BLVRA: variants seen among roughly 807,000 people sequenced by gnomAD.
BLVRA encodes BVR A.
In BLVRA, 22 loss-of-function variants were observed where a neutral mutation model predicts 32.8. That is an observed-to-expected ratio of 0.67 (90% CI 0.48 to 0.96). The LOEUF is 0.96. Ranked by LOEUF, BLVRA falls within the 40% of genes least tolerant of loss-of-function variation. BLVRA has a pLI of 0.00. For missense variants in BLVRA, 323 were observed against 358.1 expected (o/e 0.90, Z 0.79); for synonymous variants, 119 against 141.3 (o/e 0.84, Z 1.12).
intron 1 of BLVRA, among the ~76,000 whole-genome samples, chr7:43,767,836 T>C (rs1023166317): frequency 2.9e-5 from 4 of 136,900 alleles, no homozygotes; most frequent in Non-Finnish European, 6.4e-5. Context: ...CAAATAGATA[T>C]GTTAATTACA....
chr7:43,803,888 C>T (rs777993669), intron 7 of BLVRA, 41 bp downstream of exon 7: 2 of 1,607,720 alleles, frequency 1.2e-6, no homozygotes, highest in South Asian at 1.1e-5. Flanking sequence ...AATTTAAGGA[C>T]ATCCTAGTAC....
intron 1 of BLVRA, among the ~76,000 whole-genome samples, chr7:43,767,948 T>C (rs1259307403): frequency 1.3e-5 from 2 of 151,964 alleles, no homozygotes; most frequent in African/African-American, 2.4e-5. Context: ...GAGAAAGAAA[T>C]AGGAAGCAGT....
intron 3 of BLVRA, among the ~76,000 whole-genome samples, chr7:43,789,767 A>G (rs893170322): frequency 1.8e-4 from 27 of 150,632 alleles, no homozygotes; most frequent in Non-Finnish European, 2.5e-4. Context: ...GCTAAGTTCT[A>G]CCTCCTCCCC....
chr7:43,803,772 T>C lies in BLVRA; in HGVS notation c.557T>C (p.Val186Ala), dbSNP rs1165662075. The change falls in exon 7 of 8, where the codon GTG becomes GCG. Residue 186 changes from valine to alanine, a missense_variant. By Grantham distance (64) the Val-to-Ala change is moderately conservative. Coordinates refer to ENST00000265523, the MANE Select transcript of BLVRA (RefSeq NM_000712.4). ...LVSLFGELSL[V>A]SATLEERKED... The stretch of plus-strand genomic sequence containing the variant: ...TCCCTCTTTGGGGAGCTTTCTCTTG[T>C]GTCTGCCACTTTGGAAGAGCGAAAG... The C allele has an allele frequency of 6.2e-7, 1 of 1,614,154 alleles. No individual in the cohort carries two copies. Among genetic ancestry groups the C allele is most frequent in the Admixed American group, 1.7e-5 (1 of 60,030 alleles).
intron 5 of BLVRA, among the ~76,000 whole-genome samples, chr7:43,796,275 C>T (rs1229032970): frequency 6.6e-6 from 1 of 151,944 alleles, no homozygotes; most frequent in Non-Finnish European, 1.5e-5. Flanking sequence ...TGTTATACTC[C>T]AACAATCGGA....
intron 6 of BLVRA, among the ~76,000 whole-genome samples, chr7:43,801,670 C>T (rs2095798837): frequency 6.6e-6 from 1 of 152,128 alleles, no homozygotes; most frequent in South Asian, 2.1e-4. Context: ...TGCATTAATC[C>T]ATATGACAAT....
chr7:43,767,327 A>G, intron 1 of BLVRA: 1 of 1,523,724 alleles, frequency 6.6e-7, no homozygotes, highest in Admixed American at 1.7e-5. Flanking sequence ...AACGCACTGC[A>G]GCCTCCTAAG....
chr7:43,800,379 T>C, intron 5 of BLVRA, 86 bp from the exon 6 acceptor site: 1 of 1,281,580 alleles, frequency 7.8e-7, no homozygotes, highest in East Asian at 2.3e-5. Context: ...TCATGTCTTG[T>C]GTTAGGGGAT....
intron 5 of BLVRA, among the ~76,000 whole-genome samples, chr7:43,799,207 G>A (rs2095796099): frequency 6.6e-6 from 1 of 152,112 alleles, no homozygotes; most frequent in Admixed American, 6.5e-5. Flanking sequence ...CATCCTCCTT[G>A]CTCCTGAGGT....
chr7:43,760,198 A>G (rs2095740796), intron 1 of BLVRA: 1 of 151,846 alleles, frequency 6.6e-6, no homozygotes, highest in Non-Finnish European at 1.5e-5. Flanking sequence ...TTACTTTTTT[A>G]TTCTTTGTAC....
intron 1 of BLVRA, among the ~76,000 whole-genome samples, chr7:43,769,987 G>T (rs1181060632): frequency 6.6e-6 from 1 of 152,176 alleles, no homozygotes; most frequent in Non-Finnish European, 1.5e-5. Flanking sequence ...AGGTTGCCAA[G>T]GTCGGTTTTG....
chr7:43,789,857 C>G (rs2095783346), intron 3 of BLVRA, among the ~76,000 whole-genome samples: 1 of 146,560 alleles, frequency 6.8e-6, no homozygotes, highest in Non-Finnish European at 1.5e-5. Flanking sequence ...TCCTGGTAGT[C>G]TTGTGGTAGT....
Position 43,789,036 on chromosome 7 carries a change from T to TAC in BLVRA, c.134+1028_134+1029dup, listed in dbSNP as rs142859818. 6.6e-3 allele frequency among the ~76,000 whole-genome samples: 995 copies of TAC among 149,926 alleles called. 3 individuals are homozygous for TAC. Among genetic ancestry groups the TAC allele is most frequent in the Middle Eastern group, 0.035 (10 of 284 alleles). ...TGCTCAAATTTTCCACTCACCCCTG[T>TAC]ACACACACACACACACACGCACCAC... On this transcript the variant is annotated intron_variant, in intron 3 of 7. Coordinates refer to ENST00000265523, the MANE Select transcript of BLVRA (RefSeq NM_000712.4).
At chr7:43,795,853 C>T (rs758354442) in intron 5 of BLVRA, among the ~76,000 whole-genome samples, 1 of 151,820 alleles carries the variant, frequency 6.6e-6, no homozygotes, top group Non-Finnish European at 1.5e-5. Flanking sequence ...CGCCTGTAAT[C>T]CCAGCATTTT....
At chr7:43,804,555 C>T (rs1420034854) in intron 7 of BLVRA, among the ~76,000 whole-genome samples, 1 of 152,162 alleles carries the variant, frequency 6.6e-6, no homozygotes, top group Non-Finnish European at 1.5e-5. Context: ...TTTAAGTAAA[C>T]ACCCATCCAC....
At chr7:43,783,744 C>T (rs2132568043) in intron 2 of BLVRA, among the ~76,000 whole-genome samples, 1 of 152,272 alleles carries the variant, frequency 6.6e-6, no homozygotes, top group South Asian at 2.1e-4. Flanking sequence ...AGGTTCTTCT[C>T]TCCCTCCTGC....
rs1417312213 is a variant in BLVRA at position 43,780,989 on chromosome 7, A to C, written c.13-6915A>C. On this transcript the variant is annotated intron_variant, in intron 2 of 7. Coordinates refer to ENST00000265523, the MANE Select transcript of BLVRA (RefSeq NM_000712.4). ...TGGCGAAACCCCATCTCTACTAAAAATACAAAAATTAGGCGTAGTGGCACA... is the reference window on the plus strand; with the variant it reads ...TGGCGAAACCCCATCTCTACTAAAACTACAAAAATTAGGCGTAGTGGCACA... Among the ~76,000 whole-genome samples the C allele has an allele frequency of 2.6e-5, 4 of 152,208 alleles. No homozygotes were observed. In the East Asian group the frequency reaches 5.8e-4, roughly 22 times the overall value.
chr7:43,788,083 G>A (rs2132574961), intron 3 of BLVRA, 58 bp downstream of exon 3: 1 of 1,613,752 alleles, frequency 6.2e-7, no homozygotes, highest in Admixed American at 1.7e-5. Context: ...AGGCGGATTA[G>A]CTGCAGGACA....
At chr7:43,767,192 T>C (rs2095749189) in intron 1 of BLVRA, 5 of 599,100 alleles carry the variant, frequency 8.3e-6, no homozygotes, top group South Asian at 1.9e-5. Flanking sequence ...AGTAATGTTC[T>C]GTAGGCCACT....
Sources: gnomAD v4.1 joint callset for allele counts (sites outside exome capture counted in the v4.1 genomes callset) on GRCh38, gnomAD v4.1.1 for gene constraint, MANE v1.5 for transcripts, NCBI Gene and HGNC (gene_info 2026-07-23, HGNC 2026-07-21) for gene names.